Variants in BTG4 observed in about 807,000 individuals in gnomAD.
BTG4 encodes the protein protein BTG4.
Under a neutral mutation model 19.3 loss-of-function variants are expected in BTG4, and 10 were observed. The observed-to-expected ratio is 0.52, with a 90% CI of 0.32 to 0.88. The LOEUF (loss-of-function observed/expected upper bound fraction) is 0.88. BTG4 is among the 40% of genes least tolerant of loss of function. The pLI is 0.04. For missense variants in BTG4, 238 were observed against 281.9 expected, an observed-to-expected ratio of 0.84 and a Z score of 1.11; for synonymous variants, 91 against 95.7, an observed-to-expected ratio of 0.95 and a Z score of 0.29.
At chr11:111,505,636 C>T (rs1325165675) in intron 1 of BTG4, among the ~76,000 whole-genome samples, 1 of 151,768 alleles carries the variant, frequency 6.6e-6, no homozygotes, top group African/African-American at 2.4e-5. Flanking sequence ...AGAAATAGGA[C>T]ATAAACTAAA....
chr11:111,438,240 G>C, the BTG4 span, among the ~76,000 whole-genome samples: 2 of 152,196 alleles, frequency 1.3e-5, no homozygotes, highest in Non-Finnish European at 2.9e-5. Flanking sequence ...CTAACTTTGT[G>C]GGTTAGACAT....
the BTG4 span, chr11:111,386,185 AT>A: frequency 1.3e-5 from 2 of 152,154 alleles, no homozygotes; most frequent in African/African-American, 2.4e-5. Context: ...ATTTCCAAAC[AT>A]TTTTTACACA....
At position 111,468,429 on chromosome 11, in the gene BTG4, G is replaced by A. The variant is rs549754599; in HGVS notation, c.663-748C>T. ...AATTAGGAAATTGAAGCCCAGAGAG[G>A]CTAAGTAACTTCCCCAAGATCACAG... On this transcript the variant is annotated intron_variant, in intron 5 of 5. Coordinates refer to the BTG4 transcript ENST00000356018. Among the ~76,000 whole-genome samples, 20 of 152,330 alleles carry A rather than the reference G, an allele frequency of 1.3e-4. No individual in the cohort carries two copies. In the Middle Eastern group the frequency reaches 0.01, roughly 78 times the overall value.
At chr11:111,384,248 A>T in the BTG4 span, among the ~76,000 whole-genome samples, 151 of 152,234 alleles carry the variant, frequency 9.9e-4, 1 homozygote, top group African/African-American at 3.5e-3. Context: ...TACTATGACA[A>T]GTAATAATGC....
At chr11:111,452,916 G>T in the BTG4 span, among the ~76,000 whole-genome samples, 3 of 152,142 alleles carry the variant, frequency 2.0e-5, no homozygotes, top group African/African-American at 7.2e-5. Context: ...TACTACCAGA[G>T]GGTTGGTAAG....
the BTG4 span, among the ~76,000 whole-genome samples, chr11:111,407,252 A>C: frequency 6.7e-6 from 1 of 149,446 alleles, no homozygotes; most frequent in Non-Finnish European, 1.5e-5. Flanking sequence ...GTCATATAAC[A>C]TATCTAACAT....
At chr11:111,405,566 C>T in the BTG4 span, among the ~76,000 whole-genome samples, 1 of 152,002 alleles carries the variant, frequency 6.6e-6, no homozygotes, top group Admixed American at 6.6e-5. Flanking sequence ...CTGTAGCAGA[C>T]TCCAGATACT....
At chr11:111,489,872 A>C (rs1865308462), downstream of BTG4, among the ~76,000 whole-genome samples, 1 of 152,124 alleles carries the variant, frequency 6.6e-6, no homozygotes, top group African/African-American at 2.4e-5. Flanking sequence ...GGGTTGGGTG[A>C]GTGGGGATTG....
At position 111,498,011 on chromosome 11, in the gene BTG4, C is replaced by CA. The variant is rs760094450; in HGVS notation, c.297dup (p.Glu100Ter). 2 of 1,614,006 alleles carry CA rather than the reference C, an allele frequency of 1.2e-6. No homozygotes were observed. The highest frequency in any genetic ancestry group is 2.7e-5 in the African/African-American group (2 of 75,046). On this transcript the variant is annotated frameshift_variant, in exon 3 of 5. Coordinates refer to ENST00000692032, the MANE Select transcript of BTG4 (RefSeq NM_001367975.1). LOFTEE classifies it high-confidence loss of function. ...GAGATTACTCACCTACAGCATACTT[C>CA]AAAGGGATCTACCCATATGGTCATC...
chr11:111,449,131 C>A, the BTG4 span, among the ~76,000 whole-genome samples: 1 of 152,060 alleles, frequency 6.6e-6, no homozygotes, highest in Admixed American at 6.6e-5. Flanking sequence ...ATGATAGCAC[C>A]AGCCAGACCC....
intron 5 of BTG4, among the ~76,000 whole-genome samples, chr11:111,485,780 T>C (rs557399240): frequency 6.6e-6 from 1 of 151,886 alleles, no homozygotes; most frequent in Admixed American, 6.6e-5. Flanking sequence ...TTTAAAAAAA[T>C]ACAAAAGAAC....
chr11:111,424,986 T>A, the BTG4 span, among the ~76,000 whole-genome samples: 3 of 152,032 alleles, frequency 2.0e-5, no homozygotes, highest in African/African-American at 7.2e-5. Flanking sequence ...AGAGAAGAGA[T>A]GTGATGTCAA....
chr11:111,471,134 C>A (rs1158187629), intron 5 of BTG4, among the ~76,000 whole-genome samples: 1 of 152,148 alleles, frequency 6.6e-6, no homozygotes, highest in Non-Finnish European at 1.5e-5. Flanking sequence ...GTCACTCGAT[C>A]CACCCAACAA....
At chr11:111,392,429 G>A in the BTG4 span, among the ~76,000 whole-genome samples, 243 of 151,988 alleles carry the variant, frequency 1.6e-3, no homozygotes, top group African/African-American at 5.6e-3. Flanking sequence ...AGCCCGCCTC[G>A]GCCTCCCAAA....
At chr11:111,489,329 T>C (rs1565457881) in intron 5 of BTG4, among the ~76,000 whole-genome samples, 1 of 152,212 alleles carries the variant, frequency 6.6e-6, no homozygotes, top group Non-Finnish European at 1.5e-5. Context: ...CATACACCAT[T>C]GGTGGGAATG....
chr11:111,498,768 A>G lies in BTG4; in HGVS notation c.9T>C (p.Asp3=). MR[D]EIATTVFFVT... is the part of the protein sequence containing the mutation. ...CAAAGAAAACTGTTGTTGCAATTTC[A>G]TCTCTCATGATTCAAGAAAAATAGA... The change falls in exon 2 of 5, where the codon GAT becomes GAC. Residue 3 remains aspartate, a synonymous_variant. Transcript: ENST00000692032. The G allele has an allele frequency of 6.2e-7, 1 of 1,609,682 alleles. No individual in the cohort carries two copies. Among genetic ancestry groups the G allele is most frequent in the Non-Finnish European group, 8.5e-7 (1 of 1,178,370 alleles).
the BTG4 span, chr11:111,450,917 C>T: frequency 6.4e-6 from 1 of 156,720 alleles, no homozygotes; most frequent in Non-Finnish European, 1.4e-5. Context: ...AGCACAAACC[C>T]ATCTGAAGAG....
the BTG4 span, among the ~76,000 whole-genome samples, chr11:111,424,950 G>A: frequency 1.3e-4 from 20 of 152,148 alleles, no homozygotes; most frequent in East Asian, 3.9e-4. Context: ...AAACAAGCCC[G>A]GTCCCCAAGT....
At chr11:111,415,282 T>C in the BTG4 span, among the ~76,000 whole-genome samples, 1 of 152,184 alleles carries the variant, frequency 6.6e-6, no homozygotes, top group Non-Finnish European at 1.5e-5. Flanking sequence ...CACTTTTCCC[T>C]CCTCCAAAGC....
Sources: allele counts gnomAD v4.1 joint callset (sites outside exome capture counted in the v4.1 genomes callset), GRCh38; gene constraint gnomAD v4.1.1; transcripts MANE v1.5; gene names NCBI Gene and HGNC (gene_info 2026-07-23, HGNC 2026-07-21).